The following SMIM31 variants were observed in gnomAD, a reference collection of about 807,000 sequenced individuals.
SMIM31 encodes small integral membrane protein 31.
At chr4:164,776,354 G>A (rs939603935) in intron 2 of SMIM31, among the ~76,000 whole-genome samples, 28 of 152,112 alleles carry the variant, frequency 1.8e-4, no homozygotes, top group Admixed American at 3.9e-4. Flanking sequence ...ACCTGACTTG[G>A]TTGACCATTC....
intron 2 of SMIM31, among the ~76,000 whole-genome samples, chr4:164,794,316 C>T (rs895916411): frequency 6.6e-6 from 1 of 151,904 alleles, no homozygotes; most frequent in East Asian, 1.9e-4. Context: ...GAGGTTGAGC[C>T]TTCAGTGAGC....
chr4:164,759,824 A>G (rs1732621405), intron 1 of SMIM31, among the ~76,000 whole-genome samples: 1 of 152,222 alleles, frequency 6.6e-6, no homozygotes, highest in African/African-American at 2.4e-5. Flanking sequence ...TATACTAAAC[A>G]ATAAATACAA....
intron 1 of SMIM31, among the ~76,000 whole-genome samples, chr4:164,755,262 T>C (rs1158330419): frequency 1.3e-5 from 2 of 151,182 alleles, no homozygotes; most frequent in African/African-American, 2.4e-5. Context: ...GGAAGATCAC[T>C]TGAGGTCAGG....
At chr4:164,788,999 T>C (rs1293469542) in intron 2 of SMIM31, among the ~76,000 whole-genome samples, 1 of 152,166 alleles carries the variant, frequency 6.6e-6, no homozygotes, top group African/African-American at 2.4e-5. Flanking sequence ...AATGGAACTT[T>C]AGATTTAAAA....
chr4:164,796,781 C>A (rs1252869111), intron 2 of SMIM31, among the ~76,000 whole-genome samples: 2 of 152,182 alleles, frequency 1.3e-5, no homozygotes, highest in African/African-American at 4.8e-5. Flanking sequence ...CTTAAACTTC[C>A]ACTGCCACCA....
intron 1 of SMIM31, among the ~76,000 whole-genome samples, chr4:164,769,350 C>A (rs114397324): frequency 0.01 from 1,562 of 152,158 alleles, 27 homozygotes; most frequent in African/African-American, 0.035. Context: ...ACATTAAATT[C>A]TTTCTATTAT....
intron 2 of SMIM31, among the ~76,000 whole-genome samples, chr4:164,780,298 A>G (rs565157979): frequency 1.3e-5 from 2 of 152,010 alleles, no homozygotes; most frequent in Non-Finnish European, 2.9e-5. Flanking sequence ...GTGGTGGCGC[A>G]TGCCTGTAGT....
chr4:164,762,049 G>A (rs12650938), intron 1 of SMIM31, among the ~76,000 whole-genome samples: 19,837 of 152,148 alleles, frequency 0.13, 1,652 homozygotes, highest in East Asian at 0.41. Context: ...GGAGAAACGT[G>A]AAAGAGTCAC....
chr4:164,759,206 T>C (rs970411009), intron 1 of SMIM31, among the ~76,000 whole-genome samples: 3 of 152,154 alleles, frequency 2.0e-5, no homozygotes, highest in African/African-American at 7.2e-5. Context: ...GTTTTGGATA[T>C]CAGAACTAAT....
At chr4:164,769,122 T>C (rs1331779330) in intron 1 of SMIM31, among the ~76,000 whole-genome samples, 1 of 151,912 alleles carries the variant, frequency 6.6e-6, no homozygotes, top group Non-Finnish European at 1.5e-5. Context: ...CGGCTCTGAG[T>C]TTTATCCCTT....
chr4:164,780,500 G>A (rs1355682463), intron 2 of SMIM31, among the ~76,000 whole-genome samples: 2 of 152,200 alleles, frequency 1.3e-5, no homozygotes, highest in Non-Finnish European at 1.5e-5. Context: ...GCCTAGGCCA[G>A]GTGTGTCCTG....
At chr4:164,780,422 A>C (rs536319660) in intron 2 of SMIM31, among the ~76,000 whole-genome samples, 1 of 152,302 alleles carries the variant, frequency 6.6e-6, no homozygotes, top group Admixed American at 6.5e-5. Context: ...GCGAGACTCC[A>C]TCTCAAAAAA....
intron 2 of SMIM31, among the ~76,000 whole-genome samples, chr4:164,788,968 A>T (rs1015142772): frequency 3.3e-5 from 5 of 152,170 alleles, no homozygotes; most frequent in Admixed American, 6.5e-5. Flanking sequence ...TTTTAACTGG[A>T]AAATTGAGTT....
chr4:164,763,546 A>T (rs111957459), intron 1 of SMIM31, among the ~76,000 whole-genome samples: 3 of 152,348 alleles, frequency 2.0e-5, no homozygotes, highest in African/African-American at 7.2e-5. Flanking sequence ...ATTTCTAGTG[A>T]CACAGAAAAG....
At chr4:164,756,607 G>C (rs1214291139) in intron 1 of SMIM31, among the ~76,000 whole-genome samples, 1 of 151,412 alleles carries the variant, frequency 6.6e-6, no homozygotes, top group Non-Finnish European at 1.5e-5. Context: ...CAAATAAAAA[G>C]ATATAGAGAA....
chr4:164,773,212 TG>T (rs749385435), intron 2 of SMIM31, among the ~76,000 whole-genome samples: 118 of 152,116 alleles, frequency 7.8e-4, no homozygotes, highest in Non-Finnish European at 1.2e-3. Flanking sequence ...AGAAGGAGGC[TG>T]GCATACTATT....
chr4:164,790,303 T>TA (rs1363712639), intron 2 of SMIM31, among the ~76,000 whole-genome samples: 22 of 152,160 alleles, frequency 1.4e-4, no homozygotes, highest in Non-Finnish European at 2.5e-4. Flanking sequence ...TGTATTTTTT[T>TA]AAAAAAAATC....
chr4:164,774,701 C>A (rs1410819399), intron 2 of SMIM31, among the ~76,000 whole-genome samples: 1 of 152,130 alleles, frequency 6.6e-6, no homozygotes, highest in African/African-American at 2.4e-5. Flanking sequence ...CTTTGAGTTG[C>A]AATTACAAAC....
Position 164,770,427 on chromosome 4 carries a change from G to A in SMIM31, c.-17G>A, listed in dbSNP as rs1463861972. ...TTTTATTCCTATTGTAGGTGAAGAAGTTTTCGGTGGTGGTTCATGGAGCTT... is the reference window on the plus strand; with the variant it reads ...TTTTATTCCTATTGTAGGTGAAGAAATTTTCGGTGGTGGTTCATGGAGCTT... On this transcript the variant is annotated 5_prime_UTR_variant, in exon 2 of 3. Transcript: ENST00000507311. 2 of 398,868 alleles carry A rather than the reference G, an allele frequency of 5.0e-6. No homozygotes were observed. Among genetic ancestry groups the A allele is most frequent in the African/African-American group, 2.1e-5 (1 of 48,620 alleles). 24.7% of individuals were successfully genotyped at this position (398,868 alleles called of 1,614,324 possible). A position where few individuals can be genotyped will look rare whatever the true frequency, so the allele number is the denominator to read the frequency against.
Sources: gnomAD v4.1 joint callset for allele counts (sites outside exome capture counted in the v4.1 genomes callset) on GRCh38, gnomAD v4.1.1 for gene constraint, MANE v1.5 for transcripts, NCBI Gene and HGNC (gene_info 2026-07-23, HGNC 2026-07-21) for gene names.